THEM4: variants seen among roughly 807,000 people sequenced by gnomAD.
THEM4 encodes thioesterase superfamily member 4.
Under a neutral mutation model 25.0 loss-of-function variants are expected in THEM4, and 22 were observed. The ratio of observed to expected loss-of-function variants is 0.88; its 90% CI spans 0.63 to 1.26. The LOEUF is 1.26. Ranked by LOEUF, THEM4 falls within the 50% of genes most tolerant of loss-of-function variation. THEM4 has a pLI of 0.00. For synonymous variants in THEM4, 113 were observed against 105.6 expected (o/e 1.07, Z -0.43); for missense variants, 286 against 300.3 (o/e 0.95, Z 0.35).
intron 1 of THEM4, among the ~76,000 whole-genome samples, chr1:151,907,463 C>T (rs58087484): frequency 0.3 from 45,001 of 152,088 alleles, 6,984 homozygotes; most frequent in South Asian, 0.54. Flanking sequence ...CTTGCTTTCA[C>T]GCCACTATGC....
rs149500276 is a variant in THEM4, at chr1:151,905,496, G to T, written c.99+3864C>A. 6.5e-3 allele frequency among the ~76,000 whole-genome samples: 995 copies of T among 152,066 alleles called. 44 individuals carry two copies. Among genetic ancestry groups the T allele is most frequent in the Admixed American group, 0.058 (886 of 15,270 alleles). On this transcript the variant is annotated intron_variant, in intron 1 of 5. Transcript: ENST00000368814. ...TGAGGAAGTGAGGCAGGAAATTGAAGAAAGCAAAATAAAATTTAAAAAGTG... is the reference window on the plus strand; with the variant it reads ...TGAGGAAGTGAGGCAGGAAATTGAATAAAGCAAAATAAAATTTAAAAAGTG...
rs1157670037 is a variant in THEM4 at position 151,874,663 on chromosome 1, C to T, written c.*225G>A. ...GTGCTGGGATTATAGGTGTGAGCCA[C>T]AGCGCCTGGCCCGAGAGTTGTCGAT... On this transcript the variant is annotated 3_prime_UTR_variant, in exon 6 of 6. Coordinates refer to ENST00000368814, the MANE Select transcript of THEM4 (RefSeq NM_053055.5). The T allele has an allele frequency of 3.4e-6, 2 of 593,504 alleles. No homozygotes were observed. Among genetic ancestry groups the T allele is most frequent in the South Asian group, 4.0e-5 (2 of 49,676 alleles). 36.8% of individuals were successfully genotyped at this position (593,504 alleles called of 1,614,324 possible).
chr1:151,885,369 T>C (rs954597700), intron 4 of THEM4, among the ~76,000 whole-genome samples: 1 of 152,214 alleles, frequency 6.6e-6, no homozygotes, highest in African/African-American at 2.4e-5. Flanking sequence ...TCCACCCGCC[T>C]TGGCCTCCCA....
intron 1 of THEM4, among the ~76,000 whole-genome samples, chr1:151,904,501 C>T (rs1223799575): frequency 6.6e-6 from 1 of 152,110 alleles, no homozygotes; most frequent in African/African-American, 2.4e-5. Flanking sequence ...TGATACAGCA[C>T]GTTTTTCCTT....
At chr1:151,890,105 C>T (rs1654062088) in intron 2 of THEM4, 6 of 393,710 alleles carry the variant, frequency 1.5e-5, no homozygotes, top group Admixed American at 6.4e-5. Flanking sequence ...GGGGTTTCTC[C>T]GTGTTGGTCA....
chr1:151,891,653 T>G (rs1275423786), intron 2 of THEM4, among the ~76,000 whole-genome samples: 2 of 152,234 alleles, frequency 1.3e-5, no homozygotes, highest in Non-Finnish European at 2.9e-5. Context: ...AAACAGGATG[T>G]TTAAATGTAT....
chr1:151,889,999 C>T (rs1357146327), intron 2 of THEM4: 4 of 218,918 alleles, frequency 1.8e-5, no homozygotes, highest in Non-Finnish European at 2.9e-5. Context: ...CTCCGCCTCC[C>T]GGGTTCAAGC....
At chr1:151,878,940 TAACAAAGCCAAA>T (rs1653749383) in intron 4 of THEM4, among the ~76,000 whole-genome samples, 1 of 64,032 alleles carries the variant, frequency 1.6e-5, no homozygotes, top group Admixed American at 1.8e-4. Context: ...TGGAAAGGCA[TAACAAAGCCAAA>T]AGATAACTCT....
chr1:151,874,982 T>A, intron 5 of THEM4, 54 bp from the exon 6 acceptor site: 1 of 1,328,284 alleles, frequency 7.5e-7, no homozygotes, highest in Non-Finnish European at 1.1e-6. Flanking sequence ...TTCAATTTGA[T>A]GGACTACTCT....
At chr1:151,905,222 G>A (rs749705882) in intron 1 of THEM4, among the ~76,000 whole-genome samples, 9 of 152,190 alleles carry the variant, frequency 5.9e-5, no homozygotes, top group African/African-American at 1.9e-4. Flanking sequence ...ATTGGCAGAC[G>A]CAAGGAGCCT....
intron 1 of THEM4, among the ~76,000 whole-genome samples, chr1:151,900,270 A>T (rs1250486021): frequency 1.3e-5 from 2 of 151,954 alleles, no homozygotes; most frequent in African/African-American, 2.4e-5. Flanking sequence ...AACAAAAAAT[A>T]AAAAAAACCC....
At chr1:151,883,716 C>T (rs1353845971) in intron 4 of THEM4, among the ~76,000 whole-genome samples, 1 of 150,064 alleles carries the variant, frequency 6.7e-6, no homozygotes, top group African/African-American at 2.5e-5. Context: ...CTCATTGCAA[C>T]CTCCCAGGTT....
intron 1 of THEM4, among the ~76,000 whole-genome samples, chr1:151,904,185 C>T (rs977045448): frequency 6.6e-6 from 1 of 152,070 alleles, no homozygotes; most frequent in Non-Finnish European, 1.5e-5. Context: ...TGGGGAACTG[C>T]TAGGGTTTCA....
rs1653561046 is a variant in THEM4, at chr1:151,871,865, C to G, written c.*3023G>C. Among the ~76,000 whole-genome samples the G allele has an allele frequency of 6.6e-6, 1 of 152,202 alleles. No individual in the cohort carries two copies. Among genetic ancestry groups the G allele is most frequent in the African/African-American group, 2.4e-5 (1 of 41,446 alleles). On this transcript the variant is annotated 3_prime_UTR_variant, in exon 6 of 6. Coordinates refer to ENST00000368814, the MANE Select transcript of THEM4 (RefSeq NM_053055.5). Reference sequence around the variant, plus strand: ...AAATCTAACGATGAGAGTACAGTACCTTCATTGTCTAAACTTCCTCCCAAC... The same window carrying G: ...AAATCTAACGATGAGAGTACAGTACGTTCATTGTCTAAACTTCCTCCCAAC...
At chr1:151,908,714 T>C (rs1310964808) in intron 1 of THEM4, among the ~76,000 whole-genome samples, 1 of 152,232 alleles carries the variant, frequency 6.6e-6, no homozygotes, top group Non-Finnish European at 1.5e-5. Flanking sequence ...AGTGTTTCTT[T>C]GCGGTCGACT....
At chr1:151,891,976 G>A (rs1196106618) in intron 2 of THEM4, among the ~76,000 whole-genome samples, 1 of 151,824 alleles carries the variant, frequency 6.6e-6, no homozygotes, top group Non-Finnish European at 1.5e-5. Context: ...TTTTTTTTGA[G>A]ACAGAATCTT....
chr1:151,909,357 C>G lies in THEM4; in HGVS notation c.99+3G>C, dbSNP rs1056799184. 2 of 1,512,998 alleles carry G rather than the reference C, an allele frequency of 1.3e-6. No homozygotes were observed. Among genetic ancestry groups the G allele is most frequent in the African/African-American group, 2.9e-5 (2 of 69,754 alleles). 93.7% of individuals were successfully genotyped at this position (1,512,998 alleles called of 1,614,324 possible). On this transcript the variant is annotated splice_donor_region_variant and intron_variant, in intron 1 of 5. Coordinates refer to ENST00000368814, the MANE Select transcript of THEM4 (RefSeq NM_053055.5). ...CCCCATGCCCGAGGGTGCCCAGACT[C>G]ACCAGCTCGGGTCGCGGCTCGCTTC...
chr1:151,909,451 C>T lies in THEM4; in HGVS notation c.8G>A (p.Arg3Lys). The T allele has an allele frequency of 7.1e-7, 1 of 1,413,620 alleles. No homozygotes were observed. Among genetic ancestry groups the T allele is most frequent in the East Asian group, 3.0e-5 (1 of 33,870 alleles). 87.6% of individuals were successfully genotyped at this position (1,413,620 alleles called of 1,614,324 possible). A position where few individuals can be genotyped will look rare whatever the true frequency, so the allele number is the denominator to read the frequency against. Residue 3 changes from arginine (R) to lysine (K), a missense_variant, in exon 1 of 6, where the codon AGG becomes AAG. Physicochemically the swap from Arg to Lys is conservative, Grantham distance 26 (BLOSUM62 2). Transcript: ENST00000368814. ...CGTGCGGAGGCGCGCGGCGCAGCTC[C>T]TCAGCATGGCTCCGGGCCGCGGGGC... MLRSCAARLRTLG... is the reference protein window; with the variant it reads MLKSCAARLRTLG...
At chr1:151,879,223 G>A (rs548615175) in intron 4 of THEM4, among the ~76,000 whole-genome samples, 4 of 152,118 alleles carry the variant, frequency 2.6e-5, no homozygotes, top group Non-Finnish European at 5.9e-5. Context: ...GGCACTAAGC[G>A]GAAGGAGGAG....
Sources: gnomAD v4.1 joint callset for allele counts (sites outside exome capture counted in the v4.1 genomes callset) on GRCh38, gnomAD v4.1.1 for gene constraint, MANE v1.5 for transcripts, NCBI Gene and HGNC (gene_info 2026-07-23, HGNC 2026-07-21) for gene names.